Variants in MEGF11 observed in about 807,000 individuals in gnomAD.
The protein encoded by MEGF11 is multiple epidermal growth factor-like domains protein 11.
In MEGF11, 126 loss-of-function variants were observed where a neutral mutation model predicts 146.6. That is an observed-to-expected ratio of 0.86 (90% CI 0.74 to 1.00). MEGF11 has a LOEUF of 1.00. Ranked by LOEUF, MEGF11 falls within the 50% of genes least tolerant of loss-of-function variation. The pLI, the probability that MEGF11 is intolerant of heterozygous loss-of-function variation, is 0.00. For missense variants in MEGF11, 1,509 were observed against 1,521.2 expected (o/e 0.99, Z 0.13); for synonymous variants, 532 against 583.4 (o/e 0.91, Z 1.27).
intron 1 of MEGF11, among the ~76,000 whole-genome samples, chr15:66,239,654 C>A (rs1205882409): frequency 2.0e-5 from 3 of 152,202 alleles, no homozygotes; most frequent in Non-Finnish European, 2.9e-5. Flanking sequence ...GGGCCAGGCT[C>A]TGGCACAGCC....
At chr15:66,252,794 C>T (rs184499296) in intron 1 of MEGF11, among the ~76,000 whole-genome samples, 2 of 152,332 alleles carry the variant, frequency 1.3e-5, no homozygotes, top group African/African-American at 4.8e-5. Flanking sequence ...CAACCACCAC[C>T]CATTTCCCCA....
intron 1 of MEGF11, among the ~76,000 whole-genome samples, chr15:66,199,742 T>C (rs957016155): frequency 3.9e-5 from 6 of 152,070 alleles, no homozygotes; most frequent in Non-Finnish European, 8.8e-5. Context: ...TGAGCCATGA[T>C]TGCACCACTG....
intron 1 of MEGF11, among the ~76,000 whole-genome samples, chr15:66,144,166 A>G (rs2089277944): frequency 1.3e-5 from 2 of 152,256 alleles, no homozygotes; most frequent in Admixed American, 6.5e-5. Context: ...TGGCCTGACG[A>G]ACATTTTTCA....
chr15:66,064,096 G>A (rs559910536), intron 5 of MEGF11, among the ~76,000 whole-genome samples: 3 of 152,254 alleles, frequency 2.0e-5, no homozygotes, highest in Non-Finnish European at 2.9e-5. Context: ...CTGGCTGGGC[G>A]CAGTGGCTCA....
At chr15:65,959,375 G>GAATAATACTTGCAAGTA (rs1025737802) in intron 9 of MEGF11, among the ~76,000 whole-genome samples, 1 of 152,178 alleles carries the variant, frequency 6.6e-6, no homozygotes, top group African/African-American at 2.4e-5. Context: ...GGCAATTCCT[G>GAATAATACTTGCAAGTA]AATAATACTT....
In MEGF11 at chr15:65,928,944, C is replaced by T. The variant is rs370611581; in HGVS notation, c.1573-417G>A. On this transcript the variant is annotated intron_variant, in intron 12 of 25. Coordinates refer to ENST00000395614, the MANE Select transcript of MEGF11 (RefSeq NM_001385028.1). ...ATGACTATGATTTATTCTTTGTTGC[C>T]GGGGAAGAAGGTAGTCACCAATTCT... Among the ~76,000 whole-genome samples, 31 of 152,104 alleles carry T rather than the reference C, an allele frequency of 2.0e-4. 1 individual carries two copies. The South Asian group carries it at 5.6e-3, about 28-fold the overall frequency.
rs1205270962 is a variant in MEGF11, at chr15:65,895,379, A to C, written c.*2555T>G. ...ACATATATTACAAATCTGTGATTTA[A>C]AAAAGTATTGCCGTTTCATAGTCTC... is the stretch of plus-strand genomic sequence containing the variant. On this transcript the variant is annotated 3_prime_UTR_variant, in exon 26 of 26. Transcript: ENST00000395614. 1.3e-5 allele frequency: 2 copies of C among 152,672 alleles called. No individual in the cohort carries two copies. Among genetic ancestry groups the C allele is most frequent in the Non-Finnish European group, 2.9e-5 (2 of 68,034 alleles). The allele number at this position is 152,672 out of a possible 1,614,324, so 9.5% of individuals were successfully genotyped here.
At chr15:66,138,433 A>G (rs576054229) in intron 1 of MEGF11, among the ~76,000 whole-genome samples, 9 of 152,362 alleles carry the variant, frequency 5.9e-5, no homozygotes, top group African/African-American at 2.2e-4. Flanking sequence ...TAGATGGATA[A>G]AGCACGATTT....
chr15:66,140,677 C>A lies in MEGF11; in HGVS notation c.-8-12266G>T, dbSNP rs563005260. ...CAGAAGCTTGCTAAGCCATGGGAGGCCTCTGACACAGGTATGTTTGGCTGT... is the reference window on the plus strand; with the variant it reads ...CAGAAGCTTGCTAAGCCATGGGAGGACTCTGACACAGGTATGTTTGGCTGT... On this transcript the variant is annotated intron_variant, in intron 1 of 25. Transcript: ENST00000395614. Among the ~76,000 whole-genome samples, 3 of 152,270 alleles carry A rather than the reference C, an allele frequency of 2.0e-5. No homozygotes were observed. In the South Asian group the frequency reaches 6.2e-4, roughly 32 times the overall value.
intron 5 of MEGF11, among the ~76,000 whole-genome samples, chr15:66,014,448 C>T (rs2082814803): frequency 6.6e-6 from 1 of 152,200 alleles, no homozygotes; most frequent in Admixed American, 6.5e-5. Context: ...TTATGTCAAA[C>T]AATGACCTGG....
intron 13 of MEGF11, 61 bp downstream of exon 13, chr15:65,928,364 G>T: frequency 1.7e-6 from 2 of 1,144,022 alleles, no homozygotes; most frequent in Non-Finnish European, 2.5e-6. Context: ...GTCAAGAGAA[G>T]TAGGATACCA....
intron 15 of MEGF11, chr15:65,921,798 CTT>C (rs1441392170): frequency 6.5e-6 from 1 of 154,746 alleles, no homozygotes; most frequent in South Asian, 2.0e-4. Flanking sequence ...CTTTATATCT[CTT>C]TTCAACTCCT....
At chr15:66,192,066 A>G (rs1441250333) in intron 1 of MEGF11, among the ~76,000 whole-genome samples, 2 of 152,174 alleles carry the variant, frequency 1.3e-5, no homozygotes, top group Non-Finnish European at 2.9e-5. Flanking sequence ...CGACACAGCA[A>G]GACTCCGTCT....
At chr15:66,214,942 G>A (rs573665358) in intron 1 of MEGF11, among the ~76,000 whole-genome samples, 254 of 152,244 alleles carry the variant, frequency 1.7e-3, no homozygotes, top group African/African-American at 5.9e-3. Flanking sequence ...AAAAAGAAAA[G>A]GATTGCTACC....
At chr15:66,017,828 G>A (rs1317937594) in intron 5 of MEGF11, among the ~76,000 whole-genome samples, 4 of 152,202 alleles carry the variant, frequency 2.6e-5, no homozygotes, top group Non-Finnish European at 5.9e-5. Flanking sequence ...GGGAGAACCT[G>A]ATTTGTCAGG....
intron 5 of MEGF11, among the ~76,000 whole-genome samples, chr15:65,993,774 A>G (rs937045757): frequency 6.6e-6 from 1 of 152,218 alleles, no homozygotes; most frequent in African/African-American, 2.4e-5. Context: ...TGTGGGGTCC[A>G]AGCCCATTTC....
At chr15:65,925,222 A>G (rs2079330812) in intron 13 of MEGF11, among the ~76,000 whole-genome samples, 1 of 152,260 alleles carries the variant, frequency 6.6e-6, no homozygotes, top group East Asian at 1.9e-4. Context: ...TATTAAAAGT[A>G]TAGCTACTCT....
intron 1 of MEGF11, among the ~76,000 whole-genome samples, chr15:66,194,203 G>C (rs1189628234): frequency 6.6e-6 from 1 of 152,168 alleles, no homozygotes; most frequent in African/African-American, 2.4e-5. Context: ...CAGCAACCTG[G>C]ATGGAACTGG....
chr15:65,928,602 C>A, intron 12 of MEGF11, 75 bp from the exon 13 acceptor site: 2 of 1,056,882 alleles, frequency 1.9e-6, no homozygotes, highest in South Asian at 3.7e-5. Context: ...TGGATCTTTT[C>A]TTTAATTTTT....
Sources: gnomAD v4.1 joint callset for allele counts (sites outside exome capture counted in the v4.1 genomes callset) on GRCh38, gnomAD v4.1.1 for gene constraint, MANE v1.5 for transcripts, NCBI Gene and HGNC (gene_info 2026-07-23, HGNC 2026-07-21) for gene names.